GALNT10: variants seen among roughly 807,000 people sequenced by gnomAD.
GALNT10 encodes the protein GalNAc transferase 10.
GALNT10 carries 41 observed loss-of-function variants against 75.0 expected under a neutral mutation model. The ratio of observed to expected loss-of-function variants is 0.55; its 90% CI spans 0.43 to 0.71. The LOEUF (loss-of-function observed/expected upper bound fraction) is 0.71. Among genes scored for constraint, GALNT10 ranks in the 30% least tolerant of loss-of-function variants. The pLI is 0.00. For missense variants in GALNT10, 727 were observed against 818.5 expected, an observed-to-expected ratio of 0.89 and a Z score of 1.36; for synonymous variants, 302 against 313.0, an observed-to-expected ratio of 0.96 and a Z score of 0.37.
At chr5:154,197,441 T>C (rs1774963513) in intron 1 of GALNT10, among the ~76,000 whole-genome samples, 1 of 152,124 alleles carries the variant, frequency 6.6e-6, no homozygotes, top group African/African-American at 2.4e-5. Flanking sequence ...CTTGCTGTGG[T>C]GGGTGGGTGT....
In GALNT10 at chr5:154,298,181, A is replaced by G. The variant is rs1754310133; in HGVS notation, c.401+102A>G. 2.0e-6 allele frequency: 2 copies of G among 1,017,026 alleles called. No individual in the cohort carries two copies. Among genetic ancestry groups the G allele is most frequent in the Admixed American group, 4.0e-5 (2 of 49,906 alleles). 63.0% of individuals were successfully genotyped at this position (1,017,026 alleles called of 1,614,324 possible). On this transcript the variant is annotated intron_variant, in intron 3 of 11. Coordinates refer to ENST00000297107, the MANE Select transcript of GALNT10 (RefSeq NM_198321.4). The surrounding 1 kb of genome is among the most constrained non-coding windows in gnomAD (Gnocchi z 4.1). ...GGTACATGGAGCCCTGCTGACGGAG[A>G]CACCCTCCTCTTTCACAGGCATTTG...
At chr5:154,250,566 G>C (rs1453864490) in intron 1 of GALNT10, among the ~76,000 whole-genome samples, 1 of 152,252 alleles carries the variant, frequency 6.6e-6, no homozygotes, top group Non-Finnish European at 1.5e-5. Context: ...ATCGCCCCAA[G>C]ATGGCTGGTG....
At chr5:154,362,441 C>T (rs1755405040) in intron 4 of GALNT10, among the ~76,000 whole-genome samples, 1 of 152,130 alleles carries the variant, frequency 6.6e-6, no homozygotes, top group Non-Finnish European at 1.5e-5. Flanking sequence ...AAAAATTGCT[C>T]ACTGCTAGGG....
intron 4 of GALNT10, among the ~76,000 whole-genome samples, chr5:154,355,944 C>T (rs979987422): frequency 6.6e-6 from 1 of 152,204 alleles, no homozygotes; most frequent in Admixed American, 6.5e-5. Context: ...CCACTCTGTA[C>T]CTCCCAGCCC....
chr5:154,255,525 G>T (rs1753593577), intron 1 of GALNT10, among the ~76,000 whole-genome samples: 1 of 152,052 alleles, frequency 6.6e-6, no homozygotes, highest in Non-Finnish European at 1.5e-5. Context: ...TCTACTGTTG[G>T]TCAACACTCC....
At chr5:154,359,394 T>A (rs1245887392) in intron 4 of GALNT10, among the ~76,000 whole-genome samples, 2 of 152,046 alleles carry the variant, frequency 1.3e-5, no homozygotes, top group Admixed American at 6.6e-5. Flanking sequence ...CCGATTTTGA[T>A]GGTGACCAGA....
chr5:154,393,987 A>C (rs773543376), intron 7 of GALNT10, among the ~76,000 whole-genome samples: 1 of 152,242 alleles, frequency 6.6e-6, no homozygotes, highest in South Asian at 2.1e-4. Context: ...AGAGACTCCC[A>C]GGGAAGGCCT....
chr5:154,293,613 A>ATATATATATATTTTTTTTTTT, intron 1 of GALNT10, among the ~76,000 whole-genome samples: 2 of 109,360 alleles, frequency 1.8e-5, no homozygotes, highest in African/African-American at 8.5e-5. Flanking sequence ...ATATATATAT[A>ATATATATATATTTTTTTTTTT]TTTTTTTTTT....
rs1263547141 is a variant in GALNT10, at chr5:154,418,235, T to C, written c.*1263T>C. On this transcript the variant is annotated 3_prime_UTR_variant, in exon 12 of 12. Transcript: ENST00000297107. The stretch of plus-strand genomic sequence containing the variant: ...GCTCAGCAGAGGCTGTGGTACAACA[T>C]GGTCCTTGGTGAAGACCTGCACCCC... The C allele has an allele frequency of 6.6e-6, 1 of 152,160 alleles. No homozygotes were observed. The highest frequency in any genetic ancestry group is 1.5e-5 in the Non-Finnish European group (1 of 68,028). The allele number at this position is 152,160 out of a possible 1,614,324, so 9.4% of individuals were successfully genotyped here.
chr5:154,369,141 A>G (rs1291675285), intron 4 of GALNT10, among the ~76,000 whole-genome samples: 4 of 152,198 alleles, frequency 2.6e-5, no homozygotes, highest in Non-Finnish European at 5.9e-5. Context: ...TAATCCCAGC[A>G]CTTTGGGAGG....
chr5:154,246,455 T>A (rs1753425488), intron 1 of GALNT10, among the ~76,000 whole-genome samples: 1 of 152,210 alleles, frequency 6.6e-6, no homozygotes, highest in Non-Finnish European at 1.5e-5. Context: ...TTTCTCCACA[T>A]CCTCTCCAGC....
At position 154,417,400 on chromosome 5, in the gene GALNT10, T is replaced by A; in HGVS notation, c.*428T>A. ...GAAACAAAGGTAAAATTTGCCTGTT[T>A]GGGGCAGCTTTTAGTATCGATGCCA... On this transcript the variant is annotated 3_prime_UTR_variant, in exon 12 of 12. Coordinates refer to ENST00000297107, the MANE Select transcript of GALNT10 (RefSeq NM_198321.4). The A allele has an allele frequency of 6.3e-6, 1 of 159,274 alleles. No individual in the cohort carries two copies. 9.9% of individuals were successfully genotyped at this position (159,274 alleles called of 1,614,324 possible).
intron 6 of GALNT10, among the ~76,000 whole-genome samples, chr5:154,381,832 CCTT>C (rs542153161): frequency 1.5e-3 from 222 of 152,352 alleles, no homozygotes; most frequent in African/African-American, 5.0e-3. Context: ...CATCACATCT[CCTT>C]CTGACTCTGA....
rs560782083 is a variant in GALNT10 at position 154,340,089 on chromosome 5, C to T, written c.568+10351C>T. Among the ~76,000 whole-genome samples, 6 of 152,284 alleles carry T rather than the reference C, an allele frequency of 3.9e-5. No homozygotes were observed. The South Asian group carries it at 1.2e-3, about 32-fold the overall frequency. ...TGCCATTACCTTTCATAGGAAAAGC[C>T]ACAGTTACTTTTGCACCAACCTAAC... On this transcript the variant is annotated intron_variant, in intron 4 of 11. Coordinates refer to ENST00000297107, the MANE Select transcript of GALNT10 (RefSeq NM_198321.4).
intron 7 of GALNT10, among the ~76,000 whole-genome samples, chr5:154,397,833 G>C (rs1317031074): frequency 6.6e-6 from 1 of 152,206 alleles, no homozygotes; most frequent in African/African-American, 2.4e-5. Context: ...ACAGAGAGAA[G>C]CTCTGCCCCA....
chr5:154,255,553 A>G (rs571169480), intron 1 of GALNT10, among the ~76,000 whole-genome samples: 44 of 152,224 alleles, frequency 2.9e-4, no homozygotes, highest in South Asian at 8.3e-4. Flanking sequence ...AAGCAGCTCA[A>G]TGGTTATACT....
chr5:154,334,016 T>C (rs1754905201), intron 4 of GALNT10, among the ~76,000 whole-genome samples: 1 of 152,218 alleles, frequency 6.6e-6, no homozygotes, highest in South Asian at 2.1e-4. Flanking sequence ...ACGGCAAATA[T>C]GGACCATCCT....
rs1397996106 is a variant in GALNT10, at chr5:154,402,183, G to A, written c.1057-1921G>A. On this transcript the variant is annotated intron_variant, in intron 7 of 11. Coordinates refer to ENST00000297107, the MANE Select transcript of GALNT10 (RefSeq NM_198321.4). This position sits in a 1 kb window ranked among gnomAD's most constrained non-coding sequence, Gnocchi z 4.2. ...CTGTGAAGACTCCTTGTTCTGCCCC[G>A]TGAGGGCCCTGCGGGAGCCCTGCCC... Among the ~76,000 whole-genome samples, 1 of 152,154 alleles carries A rather than the reference G, an allele frequency of 6.6e-6. No individual in the cohort carries two copies.
chr5:154,346,652 T>C (rs1755127680), intron 4 of GALNT10, among the ~76,000 whole-genome samples: 1 of 152,214 alleles, frequency 6.6e-6, no homozygotes, highest in African/African-American at 2.4e-5. Context: ...AGGAACCAAA[T>C]GTTATGACCA....
Sources: gnomAD v4.1 joint callset for allele counts (sites outside exome capture counted in the v4.1 genomes callset) on GRCh38, gnomAD v4.1.1 for gene constraint, Gnocchi (gnomAD v3.1) non-coding constraint, MANE v1.5 for transcripts, NCBI Gene and HGNC (gene_info 2026-07-23, HGNC 2026-07-21) for gene names.